Variants in LUC7L observed in about 807,000 individuals in gnomAD.
LUC7L encodes the protein putative RNA-binding protein Luc7-like 1.
In LUC7L, 29 loss-of-function variants were observed where a neutral mutation model predicts 51.1. The ratio of observed to expected loss-of-function variants is 0.57; its 90% CI spans 0.42 to 0.77. LUC7L has a LOEUF of 0.77. Ranked by LOEUF, LUC7L falls within the 30% of genes least tolerant of loss-of-function variation. The pLI is 0.00. For missense variants in LUC7L, 403 were observed against 511.9 expected, an observed-to-expected ratio of 0.79 and a Z score of 2.05; for synonymous variants, 181 against 180.7, an observed-to-expected ratio of 1.00 and a Z score of -0.01.
At position 203,559 on chromosome 16, in the gene LUC7L, T is replaced by C. The variant is rs115088908; in HGVS notation, c.510+2445A>G. Among the ~76,000 whole-genome samples the C allele has an allele frequency of 5.7e-3, 872 of 152,060 alleles. 10 individuals are homozygous for C. Among genetic ancestry groups the C allele is most frequent in the African/African-American group, 0.02 (829 of 41,488 alleles). The stretch of plus-strand genomic sequence containing the variant: ...CAGTCTCTCCAAAAAATACAAAAAA[T>C]TAGCTGGGCTTGGTGGCATGTGCCT... On this transcript the variant is annotated intron_variant, in intron 5 of 9. Transcript: ENST00000293872.
intron 5 of LUC7L, among the ~76,000 whole-genome samples, chr16:205,751 G>A (rs551788750): frequency 2.3e-4 from 35 of 152,228 alleles, no homozygotes; most frequent in African/African-American, 6.3e-4. Context: ...CGCCATGCCC[G>A]GCTAATTTTT....
At chr16:225,784 C>G (rs915036381) in intron 2 of LUC7L, among the ~76,000 whole-genome samples, 3 of 150,820 alleles carry the variant, frequency 2.0e-5, no homozygotes, top group Non-Finnish European at 3.0e-5. Flanking sequence ...CGCACCCAGC[C>G]TGAAATTCTG....
chr16:208,283 G>C, intron 3 of LUC7L, 95 bp from the exon 4 acceptor site: 1 of 880,026 alleles, frequency 1.1e-6, no homozygotes, highest in Non-Finnish European at 1.8e-6. Flanking sequence ...TCCTAGGTTC[G>C]TTTCTTTAAA....
At position 227,339 on chromosome 16, in the gene LUC7L, G is replaced by A. The variant is rs377133664; in HGVS notation, c.62-3C>T. 1.2e-4 allele frequency: 193 copies of A among 1,602,474 alleles called. 1 individual carries two copies. The highest frequency in any genetic ancestry group is 5.5e-4 in the South Asian group (49 of 89,590). On this transcript the variant is annotated splice_polypyrimidine_tract_variant and splice_region_variant and intron_variant, in intron 1 of 9. Transcript: ENST00000293872. The stretch of plus-strand genomic sequence containing the variant: ...GACCCTCTGTCTGGTTTCGTCTCCT[G>A]AAATTCATTTGTGGTTTTAAATAAG...
chr16:203,256 A>G (rs534616527), intron 5 of LUC7L, among the ~76,000 whole-genome samples: 4 of 152,350 alleles, frequency 2.6e-5, no homozygotes, highest in African/African-American at 9.6e-5. Context: ...AACAGAAAGC[A>G]TCAGGTCCAG....
chr16:222,133 C>T (rs757596852), intron 2 of LUC7L, among the ~76,000 whole-genome samples: 2 of 152,070 alleles, frequency 1.3e-5, no homozygotes, highest in African/African-American at 2.4e-5. Context: ...AATTAGAAAA[C>T]AGTGTATGAT....
chr16:220,964 G>A (rs894529030), intron 2 of LUC7L, among the ~76,000 whole-genome samples: 2 of 152,170 alleles, frequency 1.3e-5, no homozygotes, highest in Admixed American at 1.3e-4. Context: ...ATTTAATAGT[G>A]TAAAGTTTCT....
intron 5 of LUC7L, among the ~76,000 whole-genome samples, chr16:204,396 A>G (rs532912846): frequency 6.6e-6 from 1 of 152,234 alleles, no homozygotes; most frequent in South Asian, 2.1e-4. Context: ...GATTGAGACC[A>G]TCCTGGCTAA....
At chr16:220,616 AG>A (rs1366735571) in intron 3 of LUC7L, 32 bp downstream of exon 3, 1 of 1,482,216 alleles carries the variant, frequency 6.7e-7, no homozygotes, top group Non-Finnish European at 9.4e-7. Context: ...GGTTCTTCGC[AG>A]TAGGAATAAA....
intron 3 of LUC7L, among the ~76,000 whole-genome samples, chr16:214,717 A>G (rs2049738829): frequency 6.6e-6 from 1 of 152,082 alleles, no homozygotes; most frequent in Non-Finnish European, 1.5e-5. Context: ...TTGTGTACAG[A>G]CAGGGTTTGT....
intron 4 of LUC7L, among the ~76,000 whole-genome samples, chr16:207,175 G>A (rs1405978252): frequency 2.6e-5 from 4 of 151,660 alleles, no homozygotes; most frequent in Non-Finnish European, 5.9e-5. Context: ...CTCCAGCCTG[G>A]GCGACAGAAC....
chr16:189,934 T>C, intron 9 of LUC7L, 34 bp downstream of exon 9: 1 of 1,588,306 alleles, frequency 6.3e-7, no homozygotes, highest in Middle Eastern at 1.7e-4. Context: ...GGCTCACTCC[T>C]GGTTGCAGCT....
chr16:229,224 C>T (rs2050211162), intron 1 of LUC7L, 55 bp downstream of exon 1: 2 of 1,510,548 alleles, frequency 1.3e-6, no homozygotes, highest in Non-Finnish European at 8.8e-7. Flanking sequence ...GGCCGCCCGG[C>T]GGCCTCGCCT....
chr16:218,851 G>C (rs1185280400), intron 3 of LUC7L, among the ~76,000 whole-genome samples: 1 of 146,702 alleles, frequency 6.8e-6, no homozygotes, highest in Non-Finnish European at 1.5e-5. Flanking sequence ...ATACCAGTGA[G>C]AGGCCAAGGT....
chr16:218,219 G>A (rs955797303), intron 3 of LUC7L, among the ~76,000 whole-genome samples: 6 of 151,604 alleles, frequency 4.0e-5, no homozygotes, highest in Non-Finnish European at 8.8e-5. Context: ...AGAATTTACT[G>A]TAAAACGTAT....
At chr16:216,018 TG>T (rs2049785670) in intron 3 of LUC7L, among the ~76,000 whole-genome samples, 1 of 152,008 alleles carries the variant, frequency 6.6e-6, no homozygotes, top group Non-Finnish European at 1.5e-5. Flanking sequence ...GTTTTTTTTT[TG>T]AGATGGGATT....
At chr16:202,005 A>C (rs1381108706) in intron 5 of LUC7L, among the ~76,000 whole-genome samples, 1 of 151,976 alleles carries the variant, frequency 6.6e-6, no homozygotes, top group Non-Finnish European at 1.5e-5. Context: ...TGGCCTCCCA[A>C]AGTGCTGGGA....
chr16:204,170 G>A lies in LUC7L; in HGVS notation c.510+1834C>T, dbSNP rs116583494. Reference sequence around the variant, plus strand: ...CATAAAAGGTATCAAATGGCCTGGCGAAGTGGCTCACGCCTGTGATCCCAG... The same window carrying A: ...CATAAAAGGTATCAAATGGCCTGGCAAAGTGGCTCACGCCTGTGATCCCAG... On this transcript the variant is annotated intron_variant, in intron 5 of 9. Transcript: ENST00000293872. Among the ~76,000 whole-genome samples the A allele has an allele frequency of 5.5e-3, 840 of 151,988 alleles. 5 individuals carry two copies. The highest frequency in any genetic ancestry group is 0.019 in the African/African-American group (791 of 41,440).
Position 206,228 on chromosome 16 carries a change from T to C in LUC7L, c.367-81A>G, listed in dbSNP as rs981267136. On this transcript the variant is annotated intron_variant, in intron 4 of 9. Coordinates refer to ENST00000293872, the MANE Select transcript of LUC7L (RefSeq NM_201412.3). Reference sequence around the variant, plus strand: ...GGCAACAAGGGTTTCTCCTGCTCCATTTCCAGTCTGAAAATAAGTGGAAGA... The same window carrying C: ...GGCAACAAGGGTTTCTCCTGCTCCACTTCCAGTCTGAAAATAAGTGGAAGA... The C allele has an allele frequency of 4.4e-6, 6 of 1,369,886 alleles. No individual in the cohort carries two copies. In the Admixed American group the frequency reaches 1.1e-4, roughly 25 times the overall value. The allele number at this position is 1,369,886 out of a possible 1,614,324, so 84.9% of individuals were successfully genotyped here. A position where few individuals can be genotyped will look rare whatever the true frequency, so the allele number is the denominator to read the frequency against.
Sources: allele counts gnomAD v4.1 joint callset (sites outside exome capture counted in the v4.1 genomes callset), GRCh38; gene constraint gnomAD v4.1.1; transcripts MANE v1.5; gene names NCBI Gene and HGNC (gene_info 2026-07-23, HGNC 2026-07-21).